Variants in GPC5 observed in about 807,000 individuals in gnomAD.
GPC5 encodes the protein glypican-5.
A neutral mutation model predicts 53.9 loss-of-function variants in GPC5; 47 were observed. The ratio of observed to expected loss-of-function variants is 0.87; its 90% CI spans 0.69 to 1.11. GPC5 has a LOEUF of 1.11. GPC5 is among the 50% of genes most tolerant of loss of function. The pLI, the probability that GPC5 is intolerant of heterozygous loss-of-function variation, is 0.00. For missense variants in GPC5, 748 were observed against 713.1 expected (o/e 1.05, Z -0.56); for synonymous variants, 286 against 263.3 (o/e 1.09, Z -0.84).
chr13:92,353,335 C>T (rs554678727), intron 7 of GPC5, among the ~76,000 whole-genome samples: 9 of 148,032 alleles, frequency 6.1e-5, no homozygotes, highest in African/African-American at 1.5e-4. Flanking sequence ...GATAGTCATA[C>T]GATGATACGA....
chr13:91,619,225 A>G (rs2033784527), intron 2 of GPC5, among the ~76,000 whole-genome samples: 1 of 152,076 alleles, frequency 6.6e-6, no homozygotes, highest in South Asian at 2.1e-4. Flanking sequence ...TAATTTAGAA[A>G]AGGTTAATTA....
intron 7 of GPC5, among the ~76,000 whole-genome samples, chr13:92,197,924 G>C (rs1258781998): frequency 6.6e-6 from 1 of 152,058 alleles, no homozygotes; most frequent in African/African-American, 2.4e-5. Flanking sequence ...GCCAACAGTA[G>C]TACATTGCAG....
chr13:91,481,614 A>C (rs1275826994), intron 2 of GPC5, among the ~76,000 whole-genome samples: 1 of 152,194 alleles, frequency 6.6e-6, no homozygotes, highest in Non-Finnish European at 1.5e-5. Flanking sequence ...CAACTTACTC[A>C]TGCCTTTGTG....
At chr13:92,318,231 G>A (rs572283216) in intron 7 of GPC5, among the ~76,000 whole-genome samples, 7 of 152,178 alleles carry the variant, frequency 4.6e-5, no homozygotes, top group Non-Finnish European at 7.4e-5. Flanking sequence ...TTTGAGTGCC[G>A]TCGGTGGGGT....
intron 2 of GPC5, among the ~76,000 whole-genome samples, chr13:91,656,148 T>A (rs935845984): frequency 1.3e-5 from 2 of 152,134 alleles, no homozygotes; most frequent in African/African-American, 4.8e-5. Flanking sequence ...TTTGTACTCT[T>A]TTTCCAAAAA....
At chr13:92,480,839 A>G (rs1331302783) in intron 7 of GPC5, among the ~76,000 whole-genome samples, 5 of 152,176 alleles carry the variant, frequency 3.3e-5, no homozygotes, top group African/African-American at 1.2e-4. Context: ...CAGTGTAGTC[A>G]TAAGAGTTGA....
At chr13:92,626,011 C>G (rs1885033890) in intron 7 of GPC5, among the ~76,000 whole-genome samples, 1 of 152,188 alleles carries the variant, frequency 6.6e-6, no homozygotes, top group Non-Finnish European at 1.5e-5. Context: ...TAATACTTTT[C>G]CATCTCATTG....
At chr13:92,837,530 G>A (rs184907422) in intron 7 of GPC5, among the ~76,000 whole-genome samples, 27 of 152,242 alleles carry the variant, frequency 1.8e-4, no homozygotes, top group Non-Finnish European at 3.4e-4. Context: ...TTGCACCCAC[G>A]GAGATATGCC....
At chr13:92,158,380 A>T (rs1593942252) in intron 7 of GPC5, among the ~76,000 whole-genome samples, 1 of 152,246 alleles carries the variant, frequency 6.6e-6, no homozygotes. Context: ...TCATACATTC[A>T]AAACACAATG....
chr13:92,333,957 A>C (rs2043305205), intron 7 of GPC5, among the ~76,000 whole-genome samples: 1 of 152,162 alleles, frequency 6.6e-6, no homozygotes, highest in African/African-American at 2.4e-5. Flanking sequence ...ACAAAACAAA[A>C]CAAACAAAAA....
intron 2 of GPC5, among the ~76,000 whole-genome samples, chr13:91,518,275 C>A (rs759736118): frequency 2.0e-5 from 3 of 152,088 alleles, no homozygotes; most frequent in Non-Finnish European, 2.9e-5. Context: ...GCAGGGGGAA[C>A]GTTTTAGCTC....
chr13:91,531,501 T>C (rs1886344013), intron 2 of GPC5, among the ~76,000 whole-genome samples: 1 of 152,178 alleles, frequency 6.6e-6, no homozygotes, highest in Non-Finnish European at 1.5e-5. Context: ...TTAGTATAAA[T>C]TTTGAAAGCT....
intron 2 of GPC5, among the ~76,000 whole-genome samples, chr13:91,671,252 G>A (rs1182273010): frequency 6.6e-6 from 1 of 152,110 alleles, no homozygotes. Flanking sequence ...TTAGTAATAT[G>A]TTTTAGAGTT....
At chr13:92,271,752 T>C (rs1056742293) in intron 7 of GPC5, among the ~76,000 whole-genome samples, 1 of 151,794 alleles carries the variant, frequency 6.6e-6, no homozygotes, top group South Asian at 2.1e-4. Flanking sequence ...AAATGGTGAG[T>C]AGGAGTTCAG....
At chr13:92,284,328 C>T (rs939978281) in intron 7 of GPC5, among the ~76,000 whole-genome samples, 5 of 152,132 alleles carry the variant, frequency 3.3e-5, no homozygotes, top group Non-Finnish European at 7.3e-5. Flanking sequence ...GGAGCTGGTT[C>T]CATTCCTTCT....
intron 7 of GPC5, among the ~76,000 whole-genome samples, chr13:92,494,043 A>G (rs1285399904): frequency 9.0e-6 from 1 of 111,688 alleles, no homozygotes; most frequent in African/African-American, 3.6e-5. Context: ...ACATTAAAAG[A>G]ATTACTTTGT....
chr13:92,553,275 C>T (rs1488070777), intron 7 of GPC5, among the ~76,000 whole-genome samples: 4 of 151,888 alleles, frequency 2.6e-5, no homozygotes, highest in African/African-American at 9.7e-5. Flanking sequence ...ATTATCAAAC[C>T]TGCTAGTTTT....
intron 7 of GPC5, among the ~76,000 whole-genome samples, chr13:92,639,028 AG>A (rs1302705205): frequency 6.6e-6 from 1 of 152,172 alleles, no homozygotes; most frequent in South Asian, 2.1e-4. Context: ...CATAATATTG[AG>A]GGGGGCATGT....
chr13:92,671,934 T>C (rs1432046515), intron 7 of GPC5, among the ~76,000 whole-genome samples: 1 of 152,134 alleles, frequency 6.6e-6, no homozygotes, highest in Non-Finnish European at 1.5e-5. Flanking sequence ...GACATTATCT[T>C]AAAGTGTTAA....
Sources: allele counts gnomAD v4.1 joint callset (sites outside exome capture counted in the v4.1 genomes callset), GRCh38; gene constraint gnomAD v4.1.1; transcripts MANE v1.5; gene names NCBI Gene and HGNC (gene_info 2026-07-23, HGNC 2026-07-21).